PLAT: variants seen among roughly 807,000 people sequenced by gnomAD.
The protein encoded by PLAT is plasminogen activator, tissue type.
Under a neutral mutation model 74.9 loss-of-function variants are expected in PLAT, and 48 were observed. The observed-to-expected ratio is 0.64, with a 90% CI of 0.51 to 0.82. The LOEUF (loss-of-function observed/expected upper bound fraction) is 0.82. PLAT is among the 40% of genes least tolerant of loss of function. The pLI is 0.00. For missense variants in PLAT, 673 were observed against 736.2 expected, an observed-to-expected ratio of 0.91 and a Z score of 0.99; for synonymous variants, 307 against 294.4, an observed-to-expected ratio of 1.04 and a Z score of -0.44.
At position 42,175,922 on chromosome 8, in the gene PLAT, C is replaced by T. The variant is rs143987791; in HGVS notation, c.*71G>A. 108 of 1,490,158 alleles carry T rather than the reference C, an allele frequency of 7.2e-5. 1 individual carries two copies. Among genetic ancestry groups the T allele is most frequent in the African/African-American group, 3.7e-4 (27 of 72,892 alleles). The allele number at this position is 1,490,158 out of a possible 1,614,324, so 92.3% of individuals were successfully genotyped here. On this transcript the variant is annotated 3_prime_UTR_variant, in exon 14 of 14. Transcript: ENST00000220809. ...TGGAGAAGTCTGTAGAGAAGCACTG[C>T]GCCTTTGCAGTGTCTTCTGAAGAAG... is the stretch of plus-strand genomic sequence containing the variant.
In PLAT at chr8:42,175,980, C is replaced by A; in HGVS notation, c.*13G>T. 6.2e-7 allele frequency: 1 copy of A among 1,613,024 alleles called. No individual in the cohort carries two copies. Among genetic ancestry groups the A allele is most frequent in the South Asian group, 1.1e-5 (1 of 90,964 alleles). On this transcript the variant is annotated 3_prime_UTR_variant, in exon 14 of 14. Transcript: ENST00000220809. ...GGGATCTCATTTGCTTTTGAGGAGT[C>A]GGGTGTTCCTGGTCACGGTCGCATG...
At chr8:42,197,699 C>T (rs184946266) in intron 1 of PLAT, among the ~76,000 whole-genome samples, 48 of 152,270 alleles carry the variant, frequency 3.2e-4, no homozygotes, top group Admixed American at 3.1e-3. Context: ...TGTCTCAGTG[C>T]CTGTGTATTA....
chr8:42,192,375 C>G (rs1048571269), intron 2 of PLAT, among the ~76,000 whole-genome samples: 1 of 151,918 alleles, frequency 6.6e-6, no homozygotes, highest in Non-Finnish European at 1.5e-5. Flanking sequence ...TCAACCAAAA[C>G]AGAAAAATAA....
chr8:42,180,008 G>C lies in PLAT; in HGVS notation c.1281C>G (p.Arg427=). The C allele has an allele frequency of 6.2e-7, 1 of 1,609,956 alleles. No individual in the cohort carries two copies. The change falls in exon 12 of 14, where the codon CGC becomes CGG. Residue 427 remains arginine (R), a synonymous_variant. Transcript: ENST00000220809. ...SRCAQESSVV[R]TVCLPPADLQ... Reference sequence around the variant, plus strand: ...GGTCCGCCGGGGGAAGGCACACAGTGCGGACCACGCTGCTCTCCTGGGCAC... The same window carrying C: ...GGTCCGCCGGGGGAAGGCACACAGTCCGGACCACGCTGCTCTCCTGGGCAC...
chr8:42,195,620 G>C (rs1563261997), intron 1 of PLAT: 1 of 152,210 alleles, frequency 6.6e-6, no homozygotes, highest in African/African-American at 2.4e-5. Context: ...GGAGTGCGGG[G>C]TGGAATCTTC....
chr8:42,188,879 C>G lies in PLAT; in HGVS notation c.253+55G>C. 2.6e-6 allele frequency: 4 copies of G among 1,520,908 alleles called. No homozygotes were observed. The Admixed American group carries it at 6.7e-5, about 26-fold the overall frequency. 94.2% of individuals were successfully genotyped at this position (1,520,908 alleles called of 1,614,324 possible). On this transcript the variant is annotated intron_variant, in intron 4 of 13. Coordinates refer to ENST00000220809, the MANE Select transcript of PLAT (RefSeq NM_000930.5). ...GGCTCCAGCGACCCTCCCACCTTGGCCTCCTAAAGTGCTGGGATCACAGGC... is the reference window on the plus strand; with the variant it reads ...GGCTCCAGCGACCCTCCCACCTTGGGCTCCTAAAGTGCTGGGATCACAGGC...
In PLAT at chr8:42,187,415, C is replaced by G. The variant is rs115361478; in HGVS notation, c.522G>C (p.Gly174=). The change falls in exon 6 of 14, where the codon GGG becomes GGC. Residue 174 remains glycine, a synonymous_variant. Transcript: ENST00000220809. ...RRPDAIRLGL[G]NHNYCRNPDR... ...GCCCTCACCTGCAGTAGTTGTGGTT[C>G]CCCAGGCCCAGCCTGATGGCGTCTG... is the stretch of plus-strand genomic sequence containing the variant. 111 of 1,587,978 alleles carry G rather than the reference C, an allele frequency of 7.0e-5. No homozygotes were observed. The African/African-American group carries it at 1.2e-3, about 17-fold the overall frequency.
Position 42,181,960 on chromosome 8 carries a change from T to TC in PLAT, c.865dup (p.Glu289GlyfsTer4). The TC allele has an allele frequency of 6.2e-7, 1 of 1,611,754 alleles. No homozygotes were observed. Among genetic ancestry groups the TC allele is most frequent in the Non-Finnish European group, 8.5e-7 (1 of 1,177,852 alleles). ...ACAGCAGGAGGGCACATCACAGTAC[T>TC]CCCACGTCAGCCTGCGGTTCTTCAG... On this transcript the variant is annotated frameshift_variant, in exon 9 of 14. Coordinates refer to ENST00000220809, the MANE Select transcript of PLAT (RefSeq NM_000930.5). LOFTEE classifies it high-confidence loss of function.
At chr8:42,178,391 C>T (rs951420478) in intron 13 of PLAT, among the ~76,000 whole-genome samples, 1 of 151,970 alleles carries the variant, frequency 6.6e-6, no homozygotes, top group East Asian at 1.9e-4. Flanking sequence ...CTGCCTCAGC[C>T]TCCTGAGTAG....
Position 42,175,972 on chromosome 8 carries a change from T to C in PLAT, c.*21A>G. ...GAAGAGGCGGGATCTCATTTGCTTTTGAGGAGTCGGGTGTTCCTGGTCACG... is the reference window on the plus strand; with the variant it reads ...GAAGAGGCGGGATCTCATTTGCTTTCGAGGAGTCGGGTGTTCCTGGTCACG... On this transcript the variant is annotated 3_prime_UTR_variant, in exon 14 of 14. Transcript: ENST00000220809. The C allele has an allele frequency of 1.2e-6, 2 of 1,612,738 alleles. No homozygotes were observed. The highest frequency in any genetic ancestry group is 2.2e-5 in the South Asian group (2 of 91,008).
chr8:42,178,819 TC>T, intron 13 of PLAT, 77 bp downstream of exon 13: 1 of 1,392,684 alleles, frequency 7.2e-7, no homozygotes, highest in Non-Finnish European at 9.9e-7. Context: ...ATAACTTTTT[TC>T]TTTGGTGAAG....
Position 42,181,975 on chromosome 8 carries a change from C to A in PLAT, c.851G>T (p.Arg284Leu). ...AKPWCHVLKN[R>L]RLTWEYCDVP... ...ATCACAGTACTCCCACGTCAGCCTGCGGTTCTTCAGCACGTGGCACCAGGG... is the reference window on the plus strand; with the variant it reads ...ATCACAGTACTCCCACGTCAGCCTGAGGTTCTTCAGCACGTGGCACCAGGG... Residue 284 changes from arginine (R) to leucine (L), a missense_variant, in exon 9 of 14, where the codon CGC (arginine) becomes CTC (leucine). Coordinates refer to ENST00000220809, the MANE Select transcript of PLAT (RefSeq NM_000930.5). The A allele has an allele frequency of 6.2e-7, 1 of 1,612,578 alleles. No homozygotes were observed. The highest frequency in any genetic ancestry group is 8.5e-7 in the Non-Finnish European group (1 of 1,178,596).
At chr8:42,194,753 T>A (rs1283036188) in intron 1 of PLAT, among the ~76,000 whole-genome samples, 1 of 151,950 alleles carries the variant, frequency 6.6e-6, no homozygotes, top group Non-Finnish European at 1.5e-5. Context: ...CCTGAGGTTC[T>A]CCCCACAAAG....
intron 3 of PLAT, 75 bp from the exon 4 acceptor site, chr8:42,189,146 A>C: frequency 6.6e-7 from 1 of 1,506,142 alleles, no homozygotes; most frequent in South Asian, 1.2e-5. Context: ...GCACCTACTG[A>C]GAAAACTCCC....
At chr8:42,200,825 A>G (rs1190473164) in intron 1 of PLAT, among the ~76,000 whole-genome samples, 2 of 151,852 alleles carry the variant, frequency 1.3e-5, no homozygotes, top group East Asian at 3.9e-4. Context: ...GTGACACCCA[A>G]TTGTAACTTT....
rs1804950113 is a variant in PLAT, at chr8:42,175,903, A to G, written c.*90T>C. 7.7e-7 allele frequency: 1 copy of G among 1,301,766 alleles called. No homozygotes were observed. The highest frequency in any genetic ancestry group is 1.1e-6 in the Non-Finnish European group (1 of 914,218). The allele number at this position is 1,301,766 out of a possible 1,614,324, so 80.6% of individuals were successfully genotyped here. A position where few individuals can be genotyped will look rare whatever the true frequency, so the allele number is the denominator to read the frequency against. On this transcript the variant is annotated 3_prime_UTR_variant, in exon 14 of 14. Transcript: ENST00000220809. ...TTCTGCGGTGTGGTGGGTCTGGAGAAGTCTGTAGAGAAGCACTGCGCCTTT... is the reference window on the plus strand; with the variant it reads ...TTCTGCGGTGTGGTGGGTCTGGAGAGGTCTGTAGAGAAGCACTGCGCCTTT...
intron 1 of PLAT, among the ~76,000 whole-genome samples, chr8:42,198,906 A>G (rs972419111): frequency 3.3e-5 from 5 of 152,190 alleles, no homozygotes; most frequent in African/African-American, 9.7e-5. Flanking sequence ...GCCCAGATGA[A>G]TGCCAACAAT....
chr8:42,176,215 T>C (rs1804969366), intron 13 of PLAT, 64 bp from the exon 14 acceptor site: 1 of 1,236,578 alleles, frequency 8.1e-7, no homozygotes, highest in South Asian at 1.3e-5. Flanking sequence ...AAAGTCAGTA[T>C]GTGTAGCATG....
chr8:42,192,834 AAAAG>A (rs374074887), intron 2 of PLAT, among the ~76,000 whole-genome samples: 50 of 152,336 alleles, frequency 3.3e-4, no homozygotes, highest in African/African-American at 1.1e-3. Context: ...CAGCTGCAAA[AAAAG>A]GCAGTCACAG....
Sources: gnomAD v4.1 joint callset for allele counts (sites outside exome capture counted in the v4.1 genomes callset) on GRCh38, gnomAD v4.1.1 for gene constraint, MANE v1.5 for transcripts, NCBI Gene and HGNC (gene_info 2026-07-23, HGNC 2026-07-21) for gene names.